Variants in STIM1 observed in about 807,000 individuals in gnomAD.
STIM1 encodes stromal interaction molecule 1.
Under a neutral mutation model 74.7 loss-of-function variants are expected in STIM1, and 25 were observed. The observed-to-expected ratio is 0.33, with a 90% CI of 0.24 to 0.47. STIM1 has a LOEUF of 0.47. Among genes scored for constraint, STIM1 ranks in the 20% least tolerant of loss-of-function variants. STIM1 has a pLI of 1.00. For synonymous variants in STIM1, 328 were observed against 348.8 expected, an observed-to-expected ratio of 0.94 and a Z score of 0.66; for missense variants, 728 against 920.8, an observed-to-expected ratio of 0.79 and a Z score of 2.71.
chr11:3,917,667 T>C (rs2092665830), intron 1 of STIM1, among the ~76,000 whole-genome samples: 1 of 152,142 alleles, frequency 6.6e-6, no homozygotes, highest in Admixed American at 6.6e-5. Context: ...ACTCCTGGAC[T>C]CAAACGATCA....
intron 1 of STIM1, among the ~76,000 whole-genome samples, chr11:3,862,541 A>G (rs1012116665): frequency 3.9e-5 from 6 of 152,206 alleles, no homozygotes; most frequent in Non-Finnish European, 7.3e-5. Context: ...TCTGTACTCC[A>G]GAGTTGCATA....
chr11:4,070,006 T>C lies in STIM1; in HGVS notation c.614-20T>C, dbSNP rs1486999356. ...GTGCAGTGGGCACCCTAACTCATCA[T>C]GCCCTCCCCTCTCTGGCAGTGACTC... On this transcript the variant is annotated intron_variant, in intron 5 of 12. Transcript: ENST00000526596. The C allele has an allele frequency of 5.6e-6, 9 of 1,613,550 alleles. No individual in the cohort carries two copies. In the Middle Eastern group the frequency reaches 5.3e-4, roughly 95 times the overall value.
chr11:3,992,362 C>T (rs761252794), intron 2 of STIM1, among the ~76,000 whole-genome samples: 4 of 151,480 alleles, frequency 2.6e-5, no homozygotes, highest in Middle Eastern at 3.2e-3. Flanking sequence ...TGTAGTGAGC[C>T]GAGATTGGGC....
chr11:3,930,171 A>T (rs1170107036), intron 1 of STIM1, among the ~76,000 whole-genome samples: 1 of 152,106 alleles, frequency 6.6e-6, no homozygotes, highest in African/African-American at 2.4e-5. Context: ...AAACCCAAAC[A>T]TGTATTTGAC....
intron 1 of STIM1, among the ~76,000 whole-genome samples, chr11:3,879,415 C>T (rs900914340): frequency 1.3e-5 from 2 of 152,202 alleles, no homozygotes; most frequent in Non-Finnish European, 2.9e-5. Flanking sequence ...TAATTTGTCA[C>T]CTAATTATCT....
intron 1 of STIM1, among the ~76,000 whole-genome samples, chr11:3,923,101 A>C (rs1301944807): frequency 3.3e-5 from 1 of 30,214 alleles, no homozygotes; most frequent in Non-Finnish European, 7.6e-5. Flanking sequence ...CTCCGTCTCA[A>C]AAAAAAAAAA....
At chr11:3,995,656 G>C (rs1283792185) in intron 2 of STIM1, among the ~76,000 whole-genome samples, 1 of 151,912 alleles carries the variant, frequency 6.6e-6, no homozygotes, top group Admixed American at 6.6e-5. Flanking sequence ...TTTTTGGTTT[G>C]TTTTTGGAGA....
chr11:3,920,421 G>A (rs2092703538), intron 1 of STIM1, among the ~76,000 whole-genome samples: 1 of 152,042 alleles, frequency 6.6e-6, no homozygotes, highest in African/African-American at 2.4e-5. Flanking sequence ...CCATGAATTT[G>A]CCTATTCTGA....
intron 2 of STIM1, among the ~76,000 whole-genome samples, chr11:3,971,402 G>A (rs1398453797): frequency 2.0e-5 from 3 of 152,122 alleles, no homozygotes; most frequent in South Asian, 2.1e-4. Context: ...GGTGGCGGGC[G>A]CCTGTAGTCC....
intron 1 of STIM1, among the ~76,000 whole-genome samples, chr11:3,908,267 T>C (rs767734540): frequency 8.5e-5 from 13 of 152,242 alleles, no homozygotes; most frequent in Non-Finnish European, 1.6e-4. Flanking sequence ...TTTACTTTTC[T>C]GCACAACAGT....
At chr11:3,939,684 A>G (rs576673902) in intron 1 of STIM1, among the ~76,000 whole-genome samples, 1 of 152,342 alleles carries the variant, frequency 6.6e-6, no homozygotes, top group East Asian at 1.9e-4. Context: ...ATTACACACT[A>G]GATCAACTGG....
At chr11:3,998,037 G>A (rs1464141607) in intron 2 of STIM1, among the ~76,000 whole-genome samples, 1 of 152,142 alleles carries the variant, frequency 6.6e-6, no homozygotes, top group Non-Finnish European at 1.5e-5. Context: ...CAGCATCACT[G>A]TAATAGTGGG....
chr11:4,063,339 TGCAC>T, intron 5 of STIM1, among the ~76,000 whole-genome samples: 1 of 152,376 alleles, frequency 6.6e-6, no homozygotes, highest in Admixed American at 6.5e-5. Flanking sequence ...TTTGCCTTAC[TGCAC>T]TTGGCAGATA....
intron 1 of STIM1, among the ~76,000 whole-genome samples, chr11:3,938,576 A>G (rs189139347): frequency 6.6e-6 from 1 of 152,148 alleles, no homozygotes; most frequent in African/African-American, 2.4e-5. Context: ...GGCTGGGCAC[A>G]TGGTTCACAC....
chr11:4,056,370 A>G (rs542724346), intron 4 of STIM1, among the ~76,000 whole-genome samples: 1 of 152,348 alleles, frequency 6.6e-6, no homozygotes, highest in Admixed American at 6.5e-5. Context: ...AACTAGTGCC[A>G]TATGCCATTC....
intron 5 of STIM1, among the ~76,000 whole-genome samples, chr11:4,062,591 C>T (rs1227963017): frequency 2.0e-4 from 31 of 152,192 alleles, no homozygotes; most frequent in Admixed American, 2.0e-3. Context: ...CACTGCACTC[C>T]AGCCTGGGTG....
rs574412899 is a variant in STIM1, at chr11:4,081,355, C to T, written c.970-829C>T. 2.2e-4 allele frequency among the ~76,000 whole-genome samples: 34 copies of T among 152,194 alleles called. 1 individual carries two copies. Among genetic ancestry groups the T allele is most frequent in the Non-Finnish European group, 4.7e-4 (32 of 68,044 alleles). ...CATTGTGTGCTCCCTGCAGAGAAGTCGGTTATTTCTACTTATACATTGGTC... is the reference window on the plus strand; with the variant it reads ...CATTGTGTGCTCCCTGCAGAGAAGTTGGTTATTTCTACTTATACATTGGTC... On this transcript the variant is annotated intron_variant, in intron 7 of 12. Transcript: ENST00000526596.
chr11:3,988,936 T>A (rs1338259877), intron 2 of STIM1, among the ~76,000 whole-genome samples: 1 of 152,198 alleles, frequency 6.6e-6, no homozygotes, highest in Admixed American at 6.5e-5. Flanking sequence ...TAACCCACAC[T>A]GTTTTCTGGT....
chr11:3,888,470 G>A (rs558858831), intron 1 of STIM1, among the ~76,000 whole-genome samples: 5 of 152,224 alleles, frequency 3.3e-5, no homozygotes, highest in African/African-American at 1.2e-4. Flanking sequence ...AGGGTGGGTG[G>A]TCAGTTTAAT....
Sources: gnomAD v4.1 joint callset for allele counts (sites outside exome capture counted in the v4.1 genomes callset) on GRCh38, gnomAD v4.1.1 for gene constraint, MANE v1.5 for transcripts, NCBI Gene and HGNC (gene_info 2026-07-23, HGNC 2026-07-21) for gene names.